HLCS: variants seen among roughly 807,000 people sequenced by gnomAD.
The protein encoded by HLCS is biotin--protein ligase.
Under a neutral mutation model 75.0 loss-of-function variants are expected in HLCS, and 53 were observed. That is an observed-to-expected ratio of 0.71 (90% CI 0.57 to 0.89). HLCS has a LOEUF of 0.89. HLCS is among the 40% of genes least tolerant of loss of function. The probability of loss-of-function intolerance (pLI) is 0.00; values close to 1 mark genes in which losing one functional copy is unlikely to be tolerated. For missense variants in HLCS, 966 were observed against 1,074.0 expected, an observed-to-expected ratio of 0.90 and a Z score of 1.41; for synonymous variants, 431 against 428.6, an observed-to-expected ratio of 1.01 and a Z score of -0.07.
rs1001486153 is a variant in HLCS at position 36,754,515 on chromosome 21, C to A, written c.2451-98G>T. On this transcript the variant is annotated intron_variant, in intron 10 of 10. Coordinates refer to ENST00000674895, the MANE Select transcript of HLCS (RefSeq NM_001352514.2). ...ATCCATGATGAGAGAGCTGGGCGTG[C>A]TGGGGAGAGGGCTGAGGCTCGCTGC... 17 of 1,323,150 alleles carry A rather than the reference C, an allele frequency of 1.3e-5. 1 individual carries two copies. The highest frequency in any genetic ancestry group is 3.8e-4 in the Middle Eastern group (2 of 5,200). The allele number at this position is 1,323,150 out of a possible 1,614,324, so 82.0% of individuals were successfully genotyped here.
chr21:36,936,456 A>G lies in HLCS; in HGVS notation c.1430T>C (p.Leu477Pro). The change falls in exon 4 of 11, where the codon CTT (leucine) becomes CCT (proline). Residue 477 changes from leucine (L) to proline (P), a missense_variant. By Grantham distance (98) the Leu-to-Pro change is moderately conservative. Coordinates refer to ENST00000674895, the MANE Select transcript of HLCS (RefSeq NM_001352514.2). ...CCATGCTGCCCTGAGTACCTGGCAAAGAACAGCTTCTCCCCCGCGAGTTCC... is the reference window on the plus strand; with the variant it reads ...CCATGCTGCCCTGAGTACCTGGCAAGGAACAGCTTCTCCCCCGCGAGTTCC... ...PFGTRGGEAV[L>P]CQVHLELPPS... is the part of the protein sequence containing the mutation. 1 of 1,613,880 alleles carries G rather than the reference A, an allele frequency of 6.2e-7. No individual in the cohort carries two copies. Among genetic ancestry groups the G allele is most frequent in the Non-Finnish European group, 8.5e-7 (1 of 1,179,728 alleles).
At chr21:36,851,140 A>G (rs2062989933) in intron 6 of HLCS, among the ~76,000 whole-genome samples, 1 of 152,228 alleles carries the variant, frequency 6.6e-6, no homozygotes, top group Non-Finnish European at 1.5e-5. Flanking sequence ...TCTACATTTC[A>G]ATAGAGCTAC....
intron 6 of HLCS, among the ~76,000 whole-genome samples, chr21:36,792,662 C>A (rs748981994): frequency 5.3e-5 from 8 of 152,172 alleles, no homozygotes; most frequent in Non-Finnish European, 1.2e-4. Context: ...TGAAGTTACT[C>A]ATCCAGGGTC....
intron 2 of HLCS, among the ~76,000 whole-genome samples, chr21:36,942,572 A>G (rs368895250): frequency 8.5e-5 from 13 of 152,324 alleles, no homozygotes; most frequent in African/African-American, 3.1e-4. Context: ...CTTTTGATCA[A>G]CCAATGACTT....
At chr21:36,956,453 G>T (rs1228911327) in intron 2 of HLCS, among the ~76,000 whole-genome samples, 1 of 152,224 alleles carries the variant, frequency 6.6e-6, no homozygotes, top group South Asian at 2.1e-4. Context: ...TGTAGGCCAG[G>T]TGTGGTGGCT....
intron 6 of HLCS, among the ~76,000 whole-genome samples, chr21:36,790,516 G>A (rs1285548716): frequency 1.3e-5 from 2 of 152,180 alleles, no homozygotes; most frequent in East Asian, 3.9e-4. Context: ...TAGGAAGTGG[G>A]ACCTATGGTG....
At chr21:36,973,217 A>C in intron 1 of HLCS, among the ~76,000 whole-genome samples, 1 of 147,760 alleles carries the variant, frequency 6.8e-6, no homozygotes, top group Non-Finnish European at 1.5e-5. Context: ...GCGACAGAGA[A>C]AGACCCTGTC....
intron 5 of HLCS, among the ~76,000 whole-genome samples, chr21:36,909,525 CAT>C (rs1337437074): frequency 6.6e-6 from 1 of 152,204 alleles, no homozygotes; most frequent in Non-Finnish European, 1.5e-5. Context: ...GGTGGGTAAA[CAT>C]ATTGCAGCAT....
intron 6 of HLCS, among the ~76,000 whole-genome samples, chr21:36,849,136 T>TTAA (rs1473883984): frequency 6.6e-6 from 1 of 152,228 alleles, no homozygotes; most frequent in East Asian, 1.9e-4. Context: ...ATTTAAGCTA[T>TTAA]GTTATTTTAA....
intron 5 of HLCS, among the ~76,000 whole-genome samples, chr21:36,917,237 T>A (rs374399466): frequency 6.6e-6 from 1 of 152,170 alleles, no homozygotes; most frequent in African/African-American, 2.4e-5. Context: ...ACAGCCTTCA[T>A]AAAGAATCAA....
intron 6 of HLCS, among the ~76,000 whole-genome samples, chr21:36,871,422 C>T (rs993992128): frequency 1.4e-4 from 21 of 152,008 alleles, no homozygotes; most frequent in Non-Finnish European, 1.5e-5. Context: ...AAATTGCACA[C>T]ATTTAAATAA....
At chr21:36,788,997 C>T (rs373815822) in intron 6 of HLCS, among the ~76,000 whole-genome samples, 18 of 152,316 alleles carry the variant, frequency 1.2e-4, no homozygotes, top group East Asian at 1.2e-3. Context: ...AATAAGAAGA[C>T]GCATCTCCTA....
At chr21:36,793,537 T>G (rs970420689) in intron 6 of HLCS, among the ~76,000 whole-genome samples, 1 of 152,070 alleles carries the variant, frequency 6.6e-6, no homozygotes, top group Non-Finnish European at 1.5e-5. Flanking sequence ...CCGGACCTTG[T>G]GATCCACCCG....
chr21:36,851,394 G>GT (rs2063002204), intron 6 of HLCS, among the ~76,000 whole-genome samples: 1 of 152,210 alleles, frequency 6.6e-6, no homozygotes, highest in Non-Finnish European at 1.5e-5. Flanking sequence ...GGACGGAACT[G>GT]GAGGTCATTA....
At chr21:36,849,519 T>C (rs2062914972) in intron 6 of HLCS, among the ~76,000 whole-genome samples, 1 of 152,190 alleles carries the variant, frequency 6.6e-6, no homozygotes, top group Non-Finnish European at 1.5e-5. Flanking sequence ...GAAGGAAGGC[T>C]CGGAGGCTGG....
intron 5 of HLCS, among the ~76,000 whole-genome samples, chr21:36,918,375 C>T (rs963805137): frequency 1.3e-5 from 2 of 152,214 alleles, no homozygotes; most frequent in Non-Finnish European, 2.9e-5. Flanking sequence ...CAGAGGCTGA[C>T]AGTTGGCTTC....
intron 6 of HLCS, among the ~76,000 whole-genome samples, chr21:36,816,936 G>C (rs955594768): frequency 1.3e-5 from 2 of 152,198 alleles, no homozygotes; most frequent in Non-Finnish European, 2.9e-5. Flanking sequence ...CAAAGGATCA[G>C]AGGAGTCAGC....
intron 5 of HLCS, among the ~76,000 whole-genome samples, chr21:36,908,658 T>C (rs2065567149): frequency 6.6e-6 from 1 of 152,188 alleles, no homozygotes; most frequent in Non-Finnish European, 1.5e-5. Context: ...CAGCCATAAA[T>C]GACAGCATAT....
chr21:36,880,933 G>C (rs2064181907), intron 6 of HLCS, among the ~76,000 whole-genome samples: 2 of 151,442 alleles, frequency 1.3e-5, no homozygotes, highest in South Asian at 2.1e-4. Context: ...GTTTGGGTTG[G>C]AAGCGATGCC....
Sources: allele counts gnomAD v4.1 joint callset (sites outside exome capture counted in the v4.1 genomes callset), GRCh38; gene constraint gnomAD v4.1.1; transcripts MANE v1.5; gene names NCBI Gene and HGNC (gene_info 2026-07-23, HGNC 2026-07-21).